The following STAT5A variants were observed in gnomAD, a reference collection of about 807,000 sequenced individuals.
The protein encoded by STAT5A is epididymis secretory sperm binding protein.
Under a neutral mutation model 100.2 loss-of-function variants are expected in STAT5A, and 26 were observed. The observed-to-expected ratio is 0.26, with a 90% CI of 0.19 to 0.36. The LOEUF is 0.36. Ranked by LOEUF, STAT5A falls within the 10% of genes least tolerant of loss-of-function variation. STAT5A has a pLI of 1.00. For synonymous variants in STAT5A, 330 were observed against 424.3 expected (o/e 0.78, Z 2.73); for missense variants, 634 against 1,027.5 (o/e 0.62, Z 5.24).
rs2081042984 is a variant in STAT5A at position 42,307,692 on chromosome 17, G to A, written c.1875G>A (p.Gly625=). 6.2e-7 allele frequency: 1 copy of A among 1,614,054 alleles called. No individual in the cohort carries two copies. The highest frequency in any genetic ancestry group is 8.5e-7 in the Non-Finnish European group (1 of 1,180,008). Residue 625 remains glycine (G), a synonymous_variant, in exon 15 of 19, where the codon GGG becomes GGA. Transcript: ENST00000590949. The part of the protein sequence containing the change: ...FLLRFSDSEI[G]GITIAWKFDS... Reference sequence around the variant, plus strand: ...TGCGCTTTAGTGACTCAGAAATCGGGGGCATCACCATCGCCTGGAAGTTTG... The same window carrying A: ...TGCGCTTTAGTGACTCAGAAATCGGAGGCATCACCATCGCCTGGAAGTTTG...
Position 42,309,359 on chromosome 17 carries a change from G to A in STAT5A, c.2115-18G>A. Reference sequence around the variant, plus strand: ...CGGCCTCCCTGGTGGCTGAAGCTCTGTTCTCTTCCTTCTGCAGGTTTGTGA... The same window carrying A: ...CGGCCTCCCTGGTGGCTGAAGCTCTATTCTCTTCCTTCTGCAGGTTTGTGA... On this transcript the variant is annotated intron_variant, in intron 17 of 18. Coordinates refer to ENST00000590949, the MANE Select transcript of STAT5A (RefSeq NM_001288718.2). 6.2e-7 allele frequency: 1 copy of A among 1,611,826 alleles called. No homozygotes were observed. Among genetic ancestry groups the A allele is most frequent in the Non-Finnish European group, 8.5e-7 (1 of 1,179,678 alleles).
At position 42,304,685 on chromosome 17, in the gene STAT5A, C is replaced by T. The variant is rs1598364272; in HGVS notation, c.1380+33C>T. The T allele has an allele frequency of 6.2e-7, 1 of 1,611,808 alleles. No homozygotes were observed. Among genetic ancestry groups the T allele is most frequent in the East Asian group, 2.2e-5 (1 of 44,886 alleles). On this transcript the variant is annotated intron_variant, in intron 11 of 18. Coordinates refer to ENST00000590949, the MANE Select transcript of STAT5A (RefSeq NM_001288718.2). The surrounding 1 kb of genome is among the most constrained non-coding windows in gnomAD (Gnocchi z 4.8). ...CCCCAGCCCTCCTGCCCCCACTGCTCCAGGTCACCCAAGAGGTGGAGGGGC... is the reference window on the plus strand; with the variant it reads ...CCCCAGCCCTCCTGCCCCCACTGCTTCAGGTCACCCAAGAGGTGGAGGGGC...
Position 42,310,629 on chromosome 17 carries a change from C to T in STAT5A, c.2345C>T (p.Pro782Leu), listed in dbSNP as rs1180047828. The change falls in exon 19 of 19, where the codon CCT becomes CTT. Residue 782 changes from proline (P) to leucine (L), a missense_variant. Physicochemically the swap from Pro to Leu is moderately conservative, Grantham distance 98. Transcript: ENST00000590949. ...AGTCTTGACTCCCGCCTCTCGCCCC[C>T]TGCCGGTCTTTTCACCTCTGCCAGA... ...MDSLDSRLSP[P>L]AGLFTSARGS... 6.2e-7 allele frequency: 1 copy of T among 1,614,198 alleles called. No homozygotes were observed. The highest frequency in any genetic ancestry group is 1.7e-5 in the Admixed American group (1 of 60,032).
At chr17:42,289,317 G>A in intron 1 of STAT5A, 85 bp from the exon 2 acceptor site, 5 of 1,424,656 alleles carry the variant, frequency 3.5e-6, no homozygotes, top group African/African-American at 1.4e-5. Context: ...GCGGTCCAGG[G>A]ATAGGTAGGC....
chr17:42,304,348 C>T lies in STAT5A; in HGVS notation c.1176C>T (p.Cys392=). 1 of 1,614,180 alleles carries T rather than the reference C, an allele frequency of 6.2e-7. No homozygotes were observed. The highest frequency in any genetic ancestry group is 8.5e-7 in the Non-Finnish European group (1 of 1,180,030). ...ACCCCCCTCTCCTTTGCAGCGAGTG[C>T]AGTGGTGAGATCCTGAACAACTGCT... ...LLKNENTRNE[C]SGEILNNCCV... is the part of the protein sequence containing the mutation. Residue 392 remains cysteine (C), a synonymous_variant, in exon 10 of 19, where the codon TGC becomes TGT. Transcript: ENST00000590949. The surrounding 1 kb of genome is among the most constrained non-coding windows in gnomAD (Gnocchi z 4.8).
intron 4 of STAT5A, among the ~76,000 whole-genome samples, chr17:42,294,892 T>C (rs2080903890): frequency 1.4e-5 from 2 of 143,994 alleles, no homozygotes; most frequent in Non-Finnish European, 1.5e-5. Context: ...TTTCTACCCC[T>C]CTCTCTCTAT....
chr17:42,308,358 C>T lies in STAT5A; in HGVS notation c.2062+25C>T, dbSNP rs1253696856. On this transcript the variant is annotated intron_variant, in intron 16 of 18. Transcript: ENST00000590949. The surrounding 1 kb of genome is among the most constrained non-coding windows in gnomAD (Gnocchi z 4.6). ...GGTGGGTACTGCCCCAGGACCCTGC[C>T]GGCTGACTCCCCCGGGCTCTTCCCC... 6.2e-6 allele frequency: 10 copies of T among 1,613,788 alleles called. No homozygotes were observed. Among genetic ancestry groups the T allele is most frequent in the East Asian group, 2.2e-5 (1 of 44,872 alleles).
rs764500316 is a variant in STAT5A, at chr17:42,310,611, A to T, written c.2327A>T (p.Asp776Val). Residue 776 changes from aspartate to valine, a missense_variant, in exon 19 of 19, where the codon GAC becomes GTC. Around this residue, in one of 5 missense-constraint regions of STAT5A, gnomAD observed 88 missense variants for 95.1 expected, o/e 0.92. Transcript: ENST00000590949. ...ELLRRPMDSL[D>V]SRLSPPAGLF... ...TTACGCCGACCAATGGACAGTCTTG[A>T]CTCCCGCCTCTCGCCCCCTGCCGGT... is the stretch of plus-strand genomic sequence containing the variant. The T allele has an allele frequency of 1.2e-6, 2 of 1,613,184 alleles. No individual in the cohort carries two copies. Among genetic ancestry groups the T allele is most frequent in the Non-Finnish European group, 8.5e-7 (1 of 1,179,826 alleles).
Position 42,299,738 on chromosome 17 carries a change from T to C in STAT5A, c.551-13T>C. 1.9e-6 allele frequency: 3 copies of C among 1,614,194 alleles called. No individual in the cohort carries two copies. The highest frequency in any genetic ancestry group is 3.3e-5 in the Admixed American group (2 of 60,032). On this transcript the variant is annotated splice_polypyrimidine_tract_variant and intron_variant, in intron 5 of 18. Transcript: ENST00000590949. ...AGGAGGTGATGGTCATGGTTTCCTCTTCTCTCCTCTAGCTCAGTTTGCCCA... is the reference window on the plus strand; with the variant it reads ...AGGAGGTGATGGTCATGGTTTCCTCCTCTCTCCTCTAGCTCAGTTTGCCCA...
chr17:42,296,272 G>A (rs1017456556), intron 5 of STAT5A, among the ~76,000 whole-genome samples: 11 of 152,140 alleles, frequency 7.2e-5, no homozygotes, highest in African/African-American at 2.7e-4. Context: ...TGGGAGAGGT[G>A]GAACTTCCAA....
At chr17:42,309,208 C>G in intron 17 of STAT5A, 110 bp downstream of exon 17, 1 of 1,592,728 alleles carries the variant, frequency 6.3e-7, no homozygotes, top group Non-Finnish European at 8.6e-7. Context: ...GGGAACCTGT[C>G]TCAGCCCTGG....
rs923967659 is a variant in STAT5A, at chr17:42,309,303, C to A, written c.2115-74C>A. On this transcript the variant is annotated intron_variant, in intron 17 of 18. Coordinates refer to ENST00000590949, the MANE Select transcript of STAT5A (RefSeq NM_001288718.2). ...CTACACCCCGAGAAAGACAAACATG[C>A]CCCTCGGTCCCCTCCCCAAGTCAGC... is the stretch of plus-strand genomic sequence containing the variant. 4 of 1,556,158 alleles carry A rather than the reference C, an allele frequency of 2.6e-6. No homozygotes were observed. The African/African-American group carries it at 4.1e-5, about 16-fold the overall frequency.
chr17:42,289,368 A>G (rs373466460), intron 1 of STAT5A, 34 bp from the exon 2 acceptor site: 58 of 1,572,444 alleles, frequency 3.7e-5, no homozygotes, highest in Middle Eastern at 1.8e-4. Flanking sequence ...TGGCCTCTGC[A>G]GAGGAGAGCG....
rs1298789302 is a variant in STAT5A at position 42,301,447 on chromosome 17, A to G, written c.1162A>G (p.Thr388Ala). The change falls in exon 9 of 19, where the codon ACC becomes GCC. Residue 388 changes from threonine to alanine, a missense_variant. By Grantham distance (58) the Thr-to-Ala change is moderately conservative (BLOSUM62 0). Around this residue, in one of 5 missense-constraint regions of STAT5A, gnomAD observed 98 missense variants for 149.7 expected, o/e 0.65. Coordinates refer to ENST00000590949, the MANE Select transcript of STAT5A (RefSeq NM_001288718.2). ...QAKSLLKNEN[T>A]RNECSGEILN... is the part of the protein sequence containing the mutation. ...CAAGTCTCTGCTTAAAAATGAGAAC[A>G]CCCGCAAGTAATTGTGCCTCTCCCT... is the stretch of plus-strand genomic sequence containing the variant. 2 of 1,613,614 alleles carry G rather than the reference A, an allele frequency of 1.2e-6. No homozygotes were observed. Among genetic ancestry groups the G allele is most frequent in the African/African-American group, 2.7e-5 (2 of 74,870 alleles).
chr17:42,306,148 T>C, intron 12 of STAT5A, 93 bp from the exon 13 acceptor site: 1 of 1,591,612 alleles, frequency 6.3e-7, no homozygotes, highest in East Asian at 2.3e-5. Flanking sequence ...TGTCTCAGTC[T>C]CCTCTGTCTC....
At chr17:42,301,684 T>C (rs2080981143) in intron 9 of STAT5A, among the ~76,000 whole-genome samples, 1 of 152,184 alleles carries the variant, frequency 6.6e-6, no homozygotes, top group East Asian at 1.9e-4. Flanking sequence ...CTGGGGATGG[T>C]GTGGCTGCCG....
At position 42,295,783 on chromosome 17, in the gene STAT5A, G is replaced by A; in HGVS notation, c.540G>A (p.Leu180=). 6.2e-7 allele frequency: 1 copy of A among 1,614,042 alleles called. No homozygotes were observed. The highest frequency in any genetic ancestry group is 1.1e-5 in the South Asian group (1 of 91,046). ...EYFIIQYQES[L]RIQAQFAQLA... The stretch of plus-strand genomic sequence containing the variant: ...TCATCATCCAGTACCAGGAGAGCCT[G>A]AGGATCCAAGGTGAGGCGCGGTGGA... The change falls in exon 5 of 19, where the codon CTG becomes CTA. Residue 180 remains leucine, a synonymous_variant. Transcript: ENST00000590949.
At chr17:42,307,928 G>C (rs762483068) in intron 15 of STAT5A, among the ~76,000 whole-genome samples, 22 of 152,154 alleles carry the variant, frequency 1.4e-4, no homozygotes, top group Non-Finnish European at 2.5e-4. Context: ...ATAGACTCCA[G>C]GACGGCTGGG....
chr17:42,299,671 A>C, intron 5 of STAT5A, 80 bp from the exon 6 acceptor site: 1 of 1,608,450 alleles, frequency 6.2e-7, no homozygotes, highest in Non-Finnish European at 8.5e-7. Flanking sequence ...GTCTCGCTCC[A>C]GAACAGGTGA....
Sources: gnomAD v4.1 joint callset for allele counts (sites outside exome capture counted in the v4.1 genomes callset) on GRCh38, gnomAD v4.1.1 for gene constraint, gnomAD v4.1.1 regional missense constraint, Gnocchi (gnomAD v3.1) non-coding constraint, MANE v1.5 for transcripts, NCBI Gene and HGNC (gene_info 2026-07-23, HGNC 2026-07-21) for gene names.